CNTN5: variants seen among roughly 807,000 people sequenced by gnomAD.
CNTN5 encodes contactin-5.
In CNTN5, 77 loss-of-function variants were observed where a neutral mutation model predicts 129.1. The ratio of observed to expected loss-of-function variants is 0.60; its 90% CI spans 0.50 to 0.72. The LOEUF is 0.72. Among genes scored for constraint, CNTN5 ranks in the 30% least tolerant of loss-of-function variants. The pLI is 0.00. For synonymous variants in CNTN5, 509 were observed against 465.6 expected, an observed-to-expected ratio of 1.09 and a Z score of -1.20; for missense variants, 1,478 against 1,328.8, an observed-to-expected ratio of 1.11 and a Z score of -1.75.
chr11:99,981,635 A>G (rs535922459), intron 8 of CNTN5, among the ~76,000 whole-genome samples: 20 of 151,940 alleles, frequency 1.3e-4, no homozygotes, highest in African/African-American at 4.1e-4. Flanking sequence ...TAACCATCAC[A>G]CTCTCCAAAT....
At chr11:99,815,857 G>A (rs1258472708) in intron 3 of CNTN5, among the ~76,000 whole-genome samples, 1 of 152,060 alleles carries the variant, frequency 6.6e-6, no homozygotes, top group Non-Finnish European at 1.5e-5. Flanking sequence ...ATCTCTTTTT[G>A]TCTAGGATCC....
intron 13 of CNTN5, among the ~76,000 whole-genome samples, chr11:100,084,461 T>C (rs1374670331): frequency 6.6e-6 from 1 of 152,190 alleles, no homozygotes; most frequent in Admixed American, 6.5e-5. Flanking sequence ...GTCACTTCTT[T>C]TCAGATTTTG....
intron 2 of CNTN5, among the ~76,000 whole-genome samples, chr11:99,356,905 G>A (rs1938712477): frequency 6.6e-6 from 1 of 151,480 alleles, no homozygotes; most frequent in Admixed American, 6.6e-5. Context: ...CTTAACAATT[G>A]GAAGAATAAA....
intron 2 of CNTN5, among the ~76,000 whole-genome samples, chr11:99,484,578 T>A (rs933469691): frequency 2.0e-5 from 3 of 152,152 alleles, no homozygotes; most frequent in African/African-American, 4.8e-5. Flanking sequence ...CATCTACAGC[T>A]CTATGTTTAT....
At chr11:99,884,320 A>G (rs1206091175) in intron 6 of CNTN5, among the ~76,000 whole-genome samples, 1 of 152,232 alleles carries the variant, frequency 6.6e-6, no homozygotes, top group Non-Finnish European at 1.5e-5. Flanking sequence ...ACGGAATATA[A>G]CATAACTATG....
At chr11:99,758,545 G>C (rs147511502) in intron 3 of CNTN5, among the ~76,000 whole-genome samples, 71 of 152,120 alleles carry the variant, frequency 4.7e-4, no homozygotes, top group African/African-American at 1.7e-3. Flanking sequence ...GATGGTCTCA[G>C]ATGAATGAGA....
chr11:99,382,917 C>T (rs557797607), intron 2 of CNTN5, among the ~76,000 whole-genome samples: 7 of 120,192 alleles, frequency 5.8e-5, no homozygotes, highest in African/African-American at 1.9e-4. Context: ...AGTGCAGTAG[C>T]CTGATCTCGG....
intron 3 of CNTN5, among the ~76,000 whole-genome samples, chr11:99,814,846 T>G (rs1050421605): frequency 6.6e-6 from 1 of 152,114 alleles, no homozygotes. Context: ...AGGGAGAGAT[T>G]TAATTGACTC....
chr11:99,041,566 T>G (rs1287101808), intron 1 of CNTN5, among the ~76,000 whole-genome samples: 2 of 152,236 alleles, frequency 1.3e-5, no homozygotes, highest in African/African-American at 2.4e-5. Flanking sequence ...AATACATGAC[T>G]GTATGAATCC....
intron 1 of CNTN5, among the ~76,000 whole-genome samples, chr11:99,023,044 G>A (rs1019581469): frequency 6.6e-6 from 1 of 152,142 alleles, no homozygotes; most frequent in Non-Finnish European, 1.5e-5. Flanking sequence ...ACACCAAGGT[G>A]CTTTTGGAAA....
chr11:99,628,845 G>A (rs1951233840), intron 3 of CNTN5, among the ~76,000 whole-genome samples: 1 of 152,048 alleles, frequency 6.6e-6, no homozygotes, highest in East Asian at 1.9e-4. Flanking sequence ...TATTTTAGAA[G>A]CAAAGTTGTT....
At chr11:100,150,369 T>C (rs956886552) in intron 13 of CNTN5, among the ~76,000 whole-genome samples, 1 of 151,834 alleles carries the variant, frequency 6.6e-6, no homozygotes, top group Non-Finnish European at 1.5e-5. Flanking sequence ...CTTGTGTTAT[T>C]TTAAAATTTG....
chr11:100,040,064 G>A (rs1942279570), intron 9 of CNTN5, among the ~76,000 whole-genome samples: 1 of 152,044 alleles, frequency 6.6e-6, no homozygotes, highest in Admixed American at 6.6e-5. Flanking sequence ...AGAGTTTCTG[G>A]TTTTTCTGCT....
rs186338279 is a variant in CNTN5 at position 99,969,764 on chromosome 11, T to A, written c.877+12755T>A. Reference sequence around the variant, plus strand: ...TCTTCTCAATCTACCCCCAAATCAGTCATTCCATGTACTTATCCATTTATA... The same window carrying A: ...TCTTCTCAATCTACCCCCAAATCAGACATTCCATGTACTTATCCATTTATA... On this transcript the variant is annotated intron_variant, in intron 8 of 24. Coordinates refer to ENST00000524871, the MANE Select transcript of CNTN5 (RefSeq NM_014361.4). Among the ~76,000 whole-genome samples the A allele has an allele frequency of 1.2e-3, 184 of 152,274 alleles. 1 individual carries two copies. The highest frequency in any genetic ancestry group is 5.0e-3 in the South Asian group (24 of 4,828).
intron 4 of CNTN5, among the ~76,000 whole-genome samples, chr11:99,844,343 C>G (rs1277695795): frequency 6.6e-6 from 1 of 151,958 alleles, no homozygotes; most frequent in African/African-American, 2.4e-5. Flanking sequence ...TTTTTTTACA[C>G]CCCAGAATTG....
chr11:99,180,298 T>C (rs1410934234), intron 1 of CNTN5, among the ~76,000 whole-genome samples: 1 of 152,188 alleles, frequency 6.6e-6, no homozygotes, highest in Non-Finnish European at 1.5e-5. Context: ...CACCAGACTA[T>C]GGAGGATTCA....
intron 8 of CNTN5, among the ~76,000 whole-genome samples, chr11:99,986,749 T>C (rs898396099): frequency 2.6e-5 from 4 of 152,188 alleles, no homozygotes; most frequent in Non-Finnish European, 5.9e-5. Context: ...TATGTTTTCT[T>C]ATACCTAATC....
chr11:99,919,247 C>G (rs867721700), intron 7 of CNTN5, among the ~76,000 whole-genome samples: 2 of 2,144 alleles, frequency 9.3e-4, no homozygotes, highest in Admixed American at 0.013. Context: ...AGACTAATCT[C>G]TCAACTTGTG....
At chr11:99,882,316 A>C (rs77389898) in intron 6 of CNTN5, among the ~76,000 whole-genome samples, 2,269 of 152,296 alleles carry the variant, frequency 0.015, 27 homozygotes, top group Non-Finnish European at 0.023. Context: ...ACTTGCATGA[A>C]GTGGGATGAA....
Sources: allele counts gnomAD v4.1 joint callset (sites outside exome capture counted in the v4.1 genomes callset), GRCh38; gene constraint gnomAD v4.1.1; transcripts MANE v1.5; gene names NCBI Gene and HGNC (gene_info 2026-07-23, HGNC 2026-07-21).